The following ABCB5 variants were observed in gnomAD, a reference collection of about 807,000 sequenced individuals.
ABCB5 encodes the protein ATP binding cassette subfamily B member 5.
ABCB5 carries 155 observed loss-of-function variants against 144.2 expected under a neutral mutation model. The ratio of observed to expected loss-of-function variants is 1.08; its 90% confidence interval spans 0.94 to 1.23. The LOEUF (loss-of-function observed/expected upper bound fraction) is 1.23, where lower values mean the gene tolerates loss of function less well. Ranked by LOEUF, ABCB5 falls within the 50% of genes most tolerant of loss-of-function variation. ABCB5 has a pLI of 0.00. For missense variants in ABCB5, 1,830 were observed against 1,520.8 expected (o/e 1.20, Z -3.38); for synonymous variants, 610 against 528.6 (o/e 1.15, Z -2.11).
chr7:20,704,684 T>A (rs764212009), intron 19 of ABCB5, 40 bp from the exon 20 acceptor site: 2 of 1,548,022 alleles, frequency 1.3e-6, no homozygotes, highest in East Asian at 2.3e-5. Flanking sequence ...ATAAAAAAAA[T>A]GATTTTTGAC....
intron 10 of ABCB5, 24 bp from the exon 11 acceptor site, chr7:20,647,944 T>G (rs1311619811): frequency 7.0e-7 from 1 of 1,424,320 alleles, no homozygotes; most frequent in Non-Finnish European, 9.9e-7. Flanking sequence ...TGAAGATTTA[T>G]AACATTTCCT....
intron 7 of ABCB5, among the ~76,000 whole-genome samples, chr7:20,645,021 A>G (rs981088800): frequency 7.9e-5 from 12 of 152,232 alleles, no homozygotes; most frequent in Admixed American, 5.9e-4. Flanking sequence ...AGGAGTTGTA[A>G]AGGAATAGCA....
Position 20,640,973 on chromosome 7 carries a change from C to G in ABCB5, c.315-2211C>G, listed in dbSNP as rs189262884. Among the ~76,000 whole-genome samples the G allele has an allele frequency of 3.5e-4, 53 of 152,230 alleles. No individual in the cohort carries two copies. The East Asian group carries it at 9.1e-3, about 26-fold the overall frequency. ...CTTCTTTTCCTATACTTAATTCTTC[C>G]TCTTCCTGGGTGTTCTCAGCCAGTC... On this transcript the variant is annotated intron_variant, in intron 5 of 27. Transcript: ENST00000404938.
At chr7:20,749,621 G>GGA (rs1234833339) in intron 26 of ABCB5, among the ~76,000 whole-genome samples, 1 of 151,890 alleles carries the variant, frequency 6.6e-6, no homozygotes, top group Non-Finnish European at 1.5e-5. Flanking sequence ...AGGGAAGATA[G>GGA]GACAAATATA....
chr7:20,717,682 C>A (rs1269958145), intron 20 of ABCB5, among the ~76,000 whole-genome samples: 2 of 151,770 alleles, frequency 1.3e-5, no homozygotes, highest in Non-Finnish European at 2.9e-5. Context: ...CATGATCTGC[C>A]CGCCTCGGCC....
At chr7:20,695,158 A>T (rs1398812358) in intron 16 of ABCB5, among the ~76,000 whole-genome samples, 1 of 151,944 alleles carries the variant, frequency 6.6e-6, no homozygotes, top group Non-Finnish European at 1.5e-5. Flanking sequence ...CTAATTACTA[A>T]TTCTCATTTC....
chr7:20,680,569 CAAA>C, intron 14 of ABCB5, among the ~76,000 whole-genome samples: 1 of 78,248 alleles, frequency 1.3e-5, no homozygotes. Flanking sequence ...GACTCCGTCT[CAAA>C]AAAAAAAAAA....
chr7:20,667,839 A>T (rs1437146472), intron 14 of ABCB5, among the ~76,000 whole-genome samples: 14 of 148,748 alleles, frequency 9.4e-5, no homozygotes, highest in African/African-American at 3.5e-4. Context: ...CTCCTGCCTC[A>T]GCCTGCCGAG....
At chr7:20,750,978 C>CTCGG (rs2128057580) in intron 26 of ABCB5, among the ~76,000 whole-genome samples, 1 of 152,254 alleles carries the variant, frequency 6.6e-6, no homozygotes, top group South Asian at 2.1e-4. Context: ...AGTGGCAGCT[C>CTCGG]TCAGTCGAGC....
At chr7:20,688,067 C>G (rs1033015712) in intron 16 of ABCB5, among the ~76,000 whole-genome samples, 6 of 151,774 alleles carry the variant, frequency 4.0e-5, no homozygotes, top group Admixed American at 2.6e-4. Context: ...ATGGCACATG[C>G]CTGTAATCCT....
In ABCB5 at chr7:20,670,926, A is replaced by G. The variant is rs75727783; in HGVS notation, c.1708-10579A>G. On this transcript the variant is annotated intron_variant, in intron 14 of 27. Coordinates refer to ENST00000404938, the MANE Select transcript of ABCB5 (RefSeq NM_001163941.2). ...TTCCACCTGAAATAAAAAGAAAAAA[A>G]GAAAAGCAAGAAGCAAGCAATAAAA... 1.7e-4 allele frequency among the ~76,000 whole-genome samples: 26 copies of G among 152,370 alleles called. No individual in the cohort carries two copies. The East Asian group carries it at 3.3e-3, about 19-fold the overall frequency.
rs1353998873 is a variant in ABCB5 at position 20,633,124 on chromosome 7, C to T, written c.314+1011C>T. Among the ~76,000 whole-genome samples the T allele has an allele frequency of 3.3e-5, 5 of 151,870 alleles. No homozygotes were observed. In the East Asian group the frequency reaches 5.8e-4, roughly 18 times the overall value. ...TTAACATAAAAATAGTAAGGTTTTA[C>T]TCACACTAAATTTGGAGACTAATTA... On this transcript the variant is annotated intron_variant, in intron 5 of 27. Coordinates refer to ENST00000404938, the MANE Select transcript of ABCB5 (RefSeq NM_001163941.2).
chr7:20,728,770 T>G (rs1782120414), intron 23 of ABCB5, among the ~76,000 whole-genome samples: 1 of 152,104 alleles, frequency 6.6e-6, no homozygotes, highest in Non-Finnish European at 1.5e-5. Flanking sequence ...AATAAATTAA[T>G]TAATAAGTTG....
In ABCB5 at chr7:20,748,492, A is replaced by G. The variant is rs185901221; in HGVS notation, c.3429+3054A>G. Among the ~76,000 whole-genome samples the G allele has an allele frequency of 6.6e-3, 999 of 151,976 alleles. 8 individuals are homozygous for G. Among genetic ancestry groups the G allele is most frequent in the African/African-American group, 0.023 (934 of 41,438 alleles). On this transcript the variant is annotated intron_variant, in intron 26 of 27. Transcript: ENST00000404938. ...TGGTGAAACCCTGTCTTTACTAATA[A>G]TACAAAAATTAGCTGGGCATGGTGG...
chr7:20,720,412 C>A (rs982388037), intron 20 of ABCB5, among the ~76,000 whole-genome samples: 2 of 152,080 alleles, frequency 1.3e-5, no homozygotes, highest in Non-Finnish European at 2.9e-5. Context: ...AACTTCATAG[C>A]GGAGAAACCT....
chr7:20,663,674 G>A (rs553276512), intron 14 of ABCB5, among the ~76,000 whole-genome samples: 6 of 150,986 alleles, frequency 4.0e-5, no homozygotes, highest in Admixed American at 3.3e-4. Flanking sequence ...GGTGACAGTC[G>A]CACAACAGTG....
chr7:20,685,913 A>G (rs1489790029), intron 16 of ABCB5, 77 bp downstream of exon 16: 1 of 1,388,818 alleles, frequency 7.2e-7, no homozygotes, highest in Non-Finnish European at 9.5e-7. Flanking sequence ...TTTAAAATTT[A>G]TTTATAGTAA....
rs752049509 is a variant in ABCB5, at chr7:20,626,558, A to T, written c.55A>T (p.Thr19Ser). The T allele has an allele frequency of 4.4e-6, 7 of 1,606,276 alleles. No homozygotes were observed. In the South Asian group the frequency reaches 6.7e-5, roughly 15 times the overall value. The change falls in exon 3 of 28, where the codon ACT (threonine) becomes TCT (serine). Residue 19 changes from threonine to serine, a missense_variant and splice_region_variant. Thr to Ser is a moderately conservative substitution (Grantham distance 58, BLOSUM62 1). Coordinates refer to ENST00000404938, the MANE Select transcript of ABCB5 (RefSeq NM_001163941.2). The part of the protein sequence containing the change: ...EMQENYQRNG[T>S]AEEQPKLRKE... ...GCATTTTGAACTTTTATTTTCCAGA[A>T]CTGCAGAAGAACAGCCAAAACTGAG...
At chr7:20,685,553 C>T in intron 15 of ABCB5, 143 bp from the exon 16 acceptor site, 1 of 660,704 alleles carries the variant, frequency 1.5e-6, no homozygotes, top group South Asian at 2.6e-5. Context: ...TCTATCAAGC[C>T]TGAAAGCTGT....
Sources: allele counts gnomAD v4.1 joint callset (sites outside exome capture counted in the v4.1 genomes callset), GRCh38; gene constraint gnomAD v4.1.1; transcripts MANE v1.5; gene names NCBI Gene and HGNC (gene_info 2026-07-23, HGNC 2026-07-21).